LRRN2: variants seen among roughly 807,000 people sequenced by gnomAD.
The protein encoded by LRRN2 is leucine-rich repeat neuronal protein 2.
A neutral mutation model predicts 35.7 loss-of-function variants in LRRN2; 10 were observed. The ratio of observed to expected loss-of-function variants is 0.28; its 90% confidence interval spans 0.17 to 0.47. LRRN2 has a LOEUF of 0.47. LRRN2 is among the 20% of genes least tolerant of loss of function. The pLI is 0.99. For missense variants in LRRN2, 731 were observed against 940.3 expected (o/e 0.78, Z 2.91); for synonymous variants, 391 against 409.6 (o/e 0.95, Z 0.55).
intron 1 of LRRN2, among the ~76,000 whole-genome samples, chr1:204,668,308 G>A (rs778940703): frequency 1.4e-4 from 22 of 152,242 alleles, no homozygotes; most frequent in South Asian, 4.2e-4. Context: ...GAGATAGCAC[G>A]GAAAGGCCAG....
Position 204,619,798 on chromosome 1 carries a change from C to T in LRRN2, c.195G>A (p.Pro65=), listed in dbSNP as rs35463653. ...CNDLFLTAVP[P]ALPAGTQTLL... is the part of the protein sequence containing the mutation. ...GGGTCTGTGTGCCTGCGGGGAGTGC[C>T]GGGGGGACTGCCGTCAGGAATAGGT... The change falls in exon 2 of 2, where the codon CCG becomes CCA. Residue 65 remains proline (P), a synonymous_variant. Coordinates refer to ENST00000367177, the MANE Select transcript of LRRN2 (RefSeq NM_201630.2). 9.1e-3 allele frequency: 14,747 copies of T among 1,614,020 alleles called. 79 individuals carry two copies. The highest frequency in any genetic ancestry group is 0.01 in the Non-Finnish European group (12,246 of 1,179,952).
chr1:204,627,841 A>G (rs534813474), intron 1 of LRRN2, among the ~76,000 whole-genome samples: 1 of 152,342 alleles, frequency 6.6e-6, no homozygotes, highest in South Asian at 2.1e-4. Context: ...CTCCCCGACC[A>G]GACTGTGAGC....
At chr1:204,675,236 C>T (rs1282995435) in intron 1 of LRRN2, among the ~76,000 whole-genome samples, 2 of 152,210 alleles carry the variant, frequency 1.3e-5, no homozygotes, top group Non-Finnish European at 1.5e-5. Flanking sequence ...AGGAGGCCAA[C>T]TGGGTTCTGG....
chr1:204,624,760 C>A (rs774123093), intron 1 of LRRN2, among the ~76,000 whole-genome samples: 3 of 140,058 alleles, frequency 2.1e-5, no homozygotes, highest in South Asian at 2.4e-4. Flanking sequence ...CCCCCACCCC[C>A]CCCCCCGGGA....
At chr1:204,643,162 C>T (rs900463943) in intron 1 of LRRN2, among the ~76,000 whole-genome samples, 5 of 152,176 alleles carry the variant, frequency 3.3e-5, no homozygotes, top group African/African-American at 7.2e-5. Context: ...CCTTTGTTTT[C>T]TCCAGGAGCT....
intron 1 of LRRN2, among the ~76,000 whole-genome samples, chr1:204,665,624 A>G (rs1414634086): frequency 6.6e-6 from 1 of 152,142 alleles, no homozygotes; most frequent in Non-Finnish European, 1.5e-5. Flanking sequence ...TGGAGACCCC[A>G]CTTATCTCCA....
At chr1:204,662,042 C>G (rs1478626923) in intron 1 of LRRN2, among the ~76,000 whole-genome samples, 1 of 152,186 alleles carries the variant, frequency 6.6e-6, no homozygotes, top group African/African-American at 2.4e-5. Context: ...ATGGAATAGC[C>G]TGATCCCTCT....
chr1:204,634,710 G>A (rs568507782), intron 1 of LRRN2, among the ~76,000 whole-genome samples: 1 of 152,172 alleles, frequency 6.6e-6, no homozygotes, highest in African/African-American at 2.4e-5. Context: ...TTCAGAGCGA[G>A]GATGGCCCTG....
intron 1 of LRRN2, among the ~76,000 whole-genome samples, chr1:204,648,331 T>C (rs1668153183): frequency 6.6e-6 from 1 of 152,148 alleles, no homozygotes. Flanking sequence ...CACTACTGGG[T>C]ACATCTCAAT....
intron 1 of LRRN2, chr1:204,664,117 G>A (rs1200453534): frequency 6.6e-6 from 1 of 152,198 alleles, no homozygotes; most frequent in Non-Finnish European, 1.5e-5. Context: ...CACAAAATGA[G>A]AGGAAGGTTA....
At chr1:204,673,633 G>T (rs1668756564) in intron 1 of LRRN2, among the ~76,000 whole-genome samples, 1 of 152,236 alleles carries the variant, frequency 6.6e-6, no homozygotes, top group Non-Finnish European at 1.5e-5. Context: ...CAGCAAAGTT[G>T]TATGCAGGAA....
intron 1 of LRRN2, among the ~76,000 whole-genome samples, chr1:204,667,875 G>A (rs1280626280): frequency 1.3e-5 from 2 of 152,182 alleles, no homozygotes; most frequent in African/African-American, 2.4e-5. Flanking sequence ...AGTGAGGGCT[G>A]GAGGAAGAGG....
Position 204,618,287 on chromosome 1 carries a change from GC to G in LRRN2, c.1705del (p.Ala569ProfsTer57). 6.2e-7 allele frequency: 1 copy of G among 1,601,408 alleles called. No homozygotes were observed. Among genetic ancestry groups the G allele is most frequent in the Admixed American group, 1.7e-5 (1 of 59,184 alleles). On this transcript the variant is annotated frameshift_variant, in exon 2 of 2. Transcript: ENST00000367177. LOFTEE classifies it high-confidence loss of function. Reference sequence around the variant, plus strand: ...CCGAGGCAGGCGGGCCAGAGCTGTGGCCCCCTGGCCCCGGAGGGAGGAGGCA... The same window carrying G: ...CCGAGGCAGGCGGGCCAGAGCTGTGGCCCCTGGCCCCGGAGGGAGGAGGCA... ...SSASSLRGQGATALARLPRGT... is the reference protein window; with the variant it reads ...SSASSLRGQGXTALARLPRGT...
intron 1 of LRRN2, among the ~76,000 whole-genome samples, chr1:204,630,161 G>A (rs533646374): frequency 4.5e-4 from 68 of 152,288 alleles, no homozygotes; most frequent in Non-Finnish European, 7.9e-4. Context: ...CAAGCTGCTC[G>A]AGCACGGGGA....
chr1:204,674,964 A>G (rs1187561552), intron 1 of LRRN2, among the ~76,000 whole-genome samples: 4 of 152,200 alleles, frequency 2.6e-5, no homozygotes, highest in Non-Finnish European at 4.4e-5. Flanking sequence ...ATATACACAT[A>G]CAATTGTTGT....
intron 1 of LRRN2, among the ~76,000 whole-genome samples, chr1:204,659,274 C>G (rs990164392): frequency 6.6e-6 from 1 of 152,174 alleles, no homozygotes; most frequent in African/African-American, 2.4e-5. Flanking sequence ...TCCCTGGTAG[C>G]AATTAGGCTT....
chr1:204,680,896 G>A (rs914867175), intron 1 of LRRN2, among the ~76,000 whole-genome samples: 2 of 151,894 alleles, frequency 1.3e-5, no homozygotes, highest in Non-Finnish European at 2.9e-5. Context: ...TTCAAGCCTT[G>A]GTTCAAATAT....
intron 1 of LRRN2, among the ~76,000 whole-genome samples, chr1:204,684,587 C>G (rs1349152165): frequency 6.6e-6 from 1 of 152,178 alleles, no homozygotes; most frequent in African/African-American, 2.4e-5. Flanking sequence ...GCCAGCAGGA[C>G]AGACGGCCCA....
intron 1 of LRRN2, among the ~76,000 whole-genome samples, chr1:204,627,694 C>T (rs1365886911): frequency 6.6e-6 from 1 of 152,262 alleles, no homozygotes; most frequent in African/African-American, 2.4e-5. Flanking sequence ...GGAGGCAGCT[C>T]CAGGCTGCAT....
Sources: gnomAD v4.1 joint callset for allele counts (sites outside exome capture counted in the v4.1 genomes callset) on GRCh38, gnomAD v4.1.1 for gene constraint, MANE v1.5 for transcripts, NCBI Gene and HGNC (gene_info 2026-07-23, HGNC 2026-07-21) for gene names.